Variants in TM9SF4 observed in about 807,000 individuals in gnomAD.
TM9SF4 encodes dinucleotide oxidase disulfide thiol exchanger 3 superfamily member 4.
Under a neutral mutation model 90.4 loss-of-function variants are expected in TM9SF4, and 26 were observed. The ratio of observed to expected loss-of-function variants is 0.29; its 90% CI spans 0.21 to 0.40. TM9SF4 has a LOEUF of 0.40. Among genes scored for constraint, TM9SF4 ranks in the 10% least tolerant of loss-of-function variants. The pLI, the probability that TM9SF4 is intolerant of heterozygous loss-of-function variation, is 1.00. For synonymous variants in TM9SF4, 293 were observed against 315.4 expected (o/e 0.93, Z 0.75); for missense variants, 549 against 834.8 (o/e 0.66, Z 4.22).
chr20:32,124,384 T>TCA (rs1220629747), intron 1 of TM9SF4, among the ~76,000 whole-genome samples: 3 of 152,142 alleles, frequency 2.0e-5, no homozygotes, highest in Admixed American at 6.6e-5. Context: ...GCAGTACAGT[T>TCA]CTTCTTGAAC....
chr20:32,162,868 AAAAAG>A (rs1426149543), intron 17 of TM9SF4, among the ~76,000 whole-genome samples: 10 of 152,196 alleles, frequency 6.6e-5, no homozygotes, highest in Non-Finnish European at 1.3e-4. Flanking sequence ...TTAAGCAAAA[AAAAAG>A]GGAAAAAAAG....
chr20:32,149,792 A>G, intron 10 of TM9SF4, 26 bp downstream of exon 10: 1 of 1,611,892 alleles, frequency 6.2e-7, no homozygotes, highest in Non-Finnish European at 8.5e-7. Flanking sequence ...GGGGCCGGGC[A>G]TGGGGGCATG....
chr20:32,132,213 G>A (rs1005298165), intron 1 of TM9SF4, among the ~76,000 whole-genome samples: 2 of 152,106 alleles, frequency 1.3e-5, no homozygotes, highest in South Asian at 4.1e-4. Context: ...AGACCAGCCC[G>A]GGCAATGTGG....
intron 1 of TM9SF4, among the ~76,000 whole-genome samples, chr20:32,132,410 AG>A (rs1237756209): frequency 8.0e-5 from 12 of 150,486 alleles, no homozygotes; most frequent in Admixed American, 7.3e-4. Flanking sequence ...AAAAAAGAAG[AG>A]AGATGTGCCG....
intron 1 of TM9SF4, among the ~76,000 whole-genome samples, chr20:32,123,874 T>A (rs1346080595): frequency 1.2e-4 from 7 of 60,088 alleles, no homozygotes; most frequent in African/African-American, 3.5e-4. Context: ...ATATTTTTTT[T>A]TTTAAAGAGA....
rs749464102 is a variant in TM9SF4 at position 32,160,040 on chromosome 20, G to A, written c.1618G>A (p.Val540Ile). 3 of 1,614,050 alleles carry A rather than the reference G, an allele frequency of 1.9e-6. No homozygotes were observed. Among genetic ancestry groups the A allele is most frequent in the African/African-American group, 2.7e-5 (2 of 74,920 alleles). Residue 540 changes from valine (V) to isoleucine (I), a missense_variant, in exon 16 of 18, where the codon GTT becomes ATT. Physicochemically the swap from Val to Ile is conservative, Grantham distance 29 (BLOSUM62 3). This residue lies in a region of TM9SF4 where 495 missense variants were observed against 711.7 expected (regional missense o/e 0.70). Coordinates refer to ENST00000398022, the MANE Select transcript of TM9SF4 (RefSeq NM_014742.4). ...TTACCTCTTTGGCTTCCTGTTCCTT[G>A]TTTTCATCATCCTGGTGGTATCCTG... ...FYYLFGFLFL[V>I]FIILVVSCSQ...
At chr20:32,131,406 G>C (rs756759721) in intron 1 of TM9SF4, among the ~76,000 whole-genome samples, 3 of 152,094 alleles carry the variant, frequency 2.0e-5, no homozygotes, top group Non-Finnish European at 4.4e-5. Flanking sequence ...TAAAAGTACA[G>C]GTCAGTCTAC....
chr20:32,153,858 G>C (rs1332716597), intron 12 of TM9SF4, among the ~76,000 whole-genome samples: 7 of 152,330 alleles, frequency 4.6e-5, no homozygotes, highest in Non-Finnish European at 1.5e-5. Flanking sequence ...CACTGCAGTA[G>C]GTCAGGAGCA....
chr20:32,120,456 A>G (rs1234220201), intron 1 of TM9SF4, among the ~76,000 whole-genome samples: 2 of 148,990 alleles, frequency 1.3e-5, no homozygotes, highest in Non-Finnish European at 3.0e-5. Context: ...TGGAAATACA[A>G]TTAATTTTTC....
rs532879554 is a variant in TM9SF4 at position 32,134,784 on chromosome 20, T to G, written c.130-1290T>G. On this transcript the variant is annotated intron_variant, in intron 2 of 17. Transcript: ENST00000398022. ...GCCTCCCAGGTTCAAGCAATTCTCC[T>G]GCCTCAGCCTCCTGAGTAGCTGGGA... 3.7e-4 allele frequency among the ~76,000 whole-genome samples: 57 copies of G among 152,180 alleles called. No homozygotes were observed. The South Asian group carries it at 8.5e-3, about 23-fold the overall frequency.
At chr20:32,136,752 G>A in intron 3 of TM9SF4, 1 of 434,154 alleles carries the variant, frequency 2.3e-6, no homozygotes, top group Non-Finnish European at 4.8e-6. Flanking sequence ...AGGTGTAGAG[G>A]TGTCTAGTCG....
intron 1 of TM9SF4, 116 bp downstream of exon 1, chr20:32,109,871 C>T (rs1228138237): frequency 1.3e-5 from 20 of 1,530,492 alleles, no homozygotes; most frequent in Non-Finnish European, 1.8e-5. Flanking sequence ...TGACTCAGGC[C>T]TGAGGGCTAC....
intron 12 of TM9SF4, among the ~76,000 whole-genome samples, chr20:32,152,069 A>C (rs918613134): frequency 6.7e-6 from 1 of 148,730 alleles, no homozygotes; most frequent in Non-Finnish European, 1.5e-5. Flanking sequence ...ATGGGGTTTC[A>C]CCATGTTAGC....
chr20:32,112,341 A>C (rs1410569769), intron 1 of TM9SF4, among the ~76,000 whole-genome samples: 1 of 152,154 alleles, frequency 6.6e-6, no homozygotes, highest in East Asian at 1.9e-4. Flanking sequence ...CTTGAACCTC[A>C]GTGAGCCCTG....
At chr20:32,163,511 G>A (rs956046598) in intron 17 of TM9SF4, among the ~76,000 whole-genome samples, 6 of 151,434 alleles carry the variant, frequency 4.0e-5, no homozygotes, top group African/African-American at 9.7e-5. Context: ...GTGAAGACAC[G>A]CTGCTCTGCT....
intron 1 of TM9SF4, among the ~76,000 whole-genome samples, chr20:32,132,687 C>T (rs780012229): frequency 2.0e-5 from 3 of 152,188 alleles, no homozygotes; most frequent in Non-Finnish European, 4.4e-5. Context: ...GCTTTATTTC[C>T]TGCCAGCTAT....
intron 1 of TM9SF4, among the ~76,000 whole-genome samples, chr20:32,123,360 A>G (rs1181036108): frequency 6.6e-6 from 1 of 151,776 alleles, no homozygotes; most frequent in African/African-American, 2.4e-5. Flanking sequence ...ACCTACATCT[A>G]GGCTAATCAT....
chr20:32,163,435 A>G (rs2047056270), intron 17 of TM9SF4, among the ~76,000 whole-genome samples: 1 of 150,526 alleles, frequency 6.6e-6, no homozygotes. Context: ...CCTAGAGTCT[A>G]CTCTTTCCAG....
chr20:32,132,938 G>C, intron 1 of TM9SF4, 75 bp from the exon 2 acceptor site: 1 of 1,330,274 alleles, frequency 7.5e-7, no homozygotes. Flanking sequence ...CATGAAGGTG[G>C]TATGACTTGA....
Sources: gnomAD v4.1 joint callset for allele counts (sites outside exome capture counted in the v4.1 genomes callset) on GRCh38, gnomAD v4.1.1 for gene constraint, gnomAD v4.1.1 regional missense constraint, MANE v1.5 for transcripts, NCBI Gene and HGNC (gene_info 2026-07-23, HGNC 2026-07-21) for gene names.